Variants in SYNJ1 observed in about 807,000 individuals in gnomAD.
SYNJ1 encodes the protein polyphosphatidylinositol phosphatase SYNJ1.
Under a neutral mutation model 168.2 loss-of-function variants are expected in SYNJ1, and 78 were observed. The ratio of observed to expected loss-of-function variants is 0.46; its 90% CI spans 0.39 to 0.56. The LOEUF is 0.56. Ranked by LOEUF, SYNJ1 falls within the 20% of genes least tolerant of loss-of-function variation. The pLI is 0.00. For synonymous variants in SYNJ1, 539 were observed against 548.6 expected, an observed-to-expected ratio of 0.98 and a Z score of 0.24; for missense variants, 1,303 against 1,597.6, an observed-to-expected ratio of 0.82 and a Z score of 3.14.
intron 11 of SYNJ1, 76 bp downstream of exon 11, chr21:32,681,420 T>A: frequency 6.8e-7 from 1 of 1,468,718 alleles, no homozygotes; most frequent in Non-Finnish European, 9.1e-7. Context: ...TATTAACTTT[T>A]AAAAGGCCAT....
rs767488191 is a variant in SYNJ1, at chr21:32,657,874, TA to T, written c.2305-3del. The stretch of plus-strand genomic sequence containing the variant: ...TCCTTCTAAAAATCCTCTAAAAACC[TA>T]AAATAAACATATACAAAGTAAGTTA... On this transcript the variant is annotated splice_region_variant and splice_polypyrimidine_tract_variant and intron_variant, in intron 18 of 32. Transcript: ENST00000674351. The T allele has an allele frequency of 1.9e-6, 3 of 1,606,720 alleles. No homozygotes were observed. The highest frequency in any genetic ancestry group is 2.5e-6 in the Non-Finnish European group (3 of 1,176,838).
Position 32,629,617 on chromosome 21 carries a change from G to A in SYNJ1, c.*2188C>T, listed in dbSNP as rs1299231272. 1.3e-5 allele frequency: 2 copies of A among 152,534 alleles called. No homozygotes were observed. The highest frequency in any genetic ancestry group is 4.8e-5 in the African/African-American group (2 of 41,430). 9.4% of individuals were successfully genotyped at this position (152,534 alleles called of 1,614,324 possible). A position where few individuals can be genotyped will look rare whatever the true frequency, so the allele number is the denominator to read the frequency against. The stretch of plus-strand genomic sequence containing the variant: ...GGTTAAGTGTGGACATAGGAATTTA[G>A]GTGGACATATACAACTCTTTATATA... On this transcript the variant is annotated 3_prime_UTR_variant, in exon 33 of 33. Transcript: ENST00000674351.
Position 32,656,680 on chromosome 21 carries a change from A to T in SYNJ1, c.2795+7T>A. On this transcript the variant is annotated splice_region_variant and intron_variant, in intron 21 of 32. Coordinates refer to ENST00000674351, the MANE Select transcript of SYNJ1 (RefSeq NM_203446.3). Reference sequence around the variant, plus strand: ...CACAAGCTACTTTTGCATAATAAACATCTTACCTTATAAGTATAACTTCAC... The same window carrying T: ...CACAAGCTACTTTTGCATAATAAACTTCTTACCTTATAAGTATAACTTCAC... 1 of 1,608,118 alleles carries T rather than the reference A, an allele frequency of 6.2e-7. No homozygotes were observed. Among genetic ancestry groups the T allele is most frequent in the Non-Finnish European group, 8.5e-7 (1 of 1,176,546 alleles).
upstream of SYNJ1, chr21:32,728,123 C>T (rs558192601): frequency 2.6e-3 from 3,734 of 1,435,326 alleles, 7 homozygotes; most frequent in Admixed American, 3.5e-3. Flanking sequence ...CCACTCTGCG[C>T]CGACCGGCTG....
rs1414978656 is a variant in SYNJ1 at position 32,638,908 on chromosome 21, T to C, written c.3915A>G (p.Gln1305=). The change falls in exon 31 of 33, where the codon CAA becomes CAG. Residue 1305 remains glutamine (Q), a splice_region_variant and synonymous_variant. Transcript: ENST00000674351. ...SLPSEASSQP[Q]QEQPSG is the part of the protein sequence containing the mutation. ...ATTTTGTGTAACAAATGAGACTTAC[T>C]TGCGGTTGTGAGGAAGCTTCTGAAG... The C allele has an allele frequency of 6.3e-7, 1 of 1,595,892 alleles. No individual in the cohort carries two copies. Among genetic ancestry groups the C allele is most frequent in the Non-Finnish European group, 8.6e-7 (1 of 1,168,546 alleles).
chr21:32,646,557 T>C lies in SYNJ1; in HGVS notation c.3083A>G (p.Gln1028Arg). ...YSAEVEELLP[Q>R]HLQPSSSSGL... ...GGAACTTGAAGATGGCTGGAGATGCTGAGGAAGAAGTTCCTCCACTTCAGC... is the reference window on the plus strand; with the variant it reads ...GGAACTTGAAGATGGCTGGAGATGCCGAGGAAGAAGTTCCTCCACTTCAGC... Residue 1028 changes from glutamine (Q) to arginine (R), a missense_variant, in exon 24 of 33, where the codon CAG (glutamine) becomes CGG (arginine). Coordinates refer to ENST00000674351, the MANE Select transcript of SYNJ1 (RefSeq NM_203446.3). 1 of 1,614,162 alleles carries C rather than the reference T, an allele frequency of 6.2e-7. No individual in the cohort carries two copies.
At position 32,660,910 on chromosome 21, in the gene SYNJ1, C is replaced by T. The variant is rs911990930; in HGVS notation, c.2305-3038G>A. Among the ~76,000 whole-genome samples the T allele has an allele frequency of 3.3e-5, 5 of 152,176 alleles. No individual in the cohort carries two copies. In the East Asian group the frequency reaches 5.8e-4, roughly 18 times the overall value. Reference sequence around the variant, plus strand: ...AGTCATGCACTGCAGGGGACACCAGCGAGCCTCCACCTCAGTGGCCTTAGG... The same window carrying T: ...AGTCATGCACTGCAGGGGACACCAGTGAGCCTCCACCTCAGTGGCCTTAGG... On this transcript the variant is annotated intron_variant, in intron 18 of 32. Transcript: ENST00000674351.
intron 9 of SYNJ1, 58 bp downstream of exon 9, chr21:32,685,690 A>G: frequency 2.3e-6 from 3 of 1,314,384 alleles, no homozygotes; most frequent in Non-Finnish European, 3.0e-6. Flanking sequence ...GTTCAACGTT[A>G]AGAATAATTT....
chr21:32,646,464 C>T lies in SYNJ1; in HGVS notation c.3176G>A (p.Gly1059Asp). The change falls in exon 24 of 33, where the codon GGT becomes GAT. Residue 1059 changes from glycine to aspartate, a missense_variant. Transcript: ENST00000674351. The stretch of plus-strand genomic sequence containing the variant: ...TCTGATGGGAAGGGAAGGTACAGGA[C>T]CCTCTGATATTGTAGGTGACTGGCA... ...SPCQSPTISEGPVPSLPIRPS... is the reference protein window; with the variant it reads ...SPCQSPTISEDPVPSLPIRPS... The T allele has an allele frequency of 6.2e-7, 1 of 1,614,104 alleles. No homozygotes were observed. Among genetic ancestry groups the T allele is most frequent in the Non-Finnish European group, 8.5e-7 (1 of 1,180,028 alleles).
rs773242399 is a variant in SYNJ1 at position 32,645,678 on chromosome 21, G to T, written c.3359C>A (p.Pro1120Gln). Residue 1120 changes from proline (P) to glutamine (Q), a missense_variant, in exon 25 of 33, where the codon CCG (proline) becomes CAG (glutamine). By Grantham distance (76) the Pro-to-Gln change is moderately conservative (BLOSUM62 -1). Transcript: ENST00000674351. Reference protein sequence around the residue: ...PPRPVAPPTRPAPPQRPPPPS... With the variant: ...PPRPVAPPTRQAPPQRPPPPS... ...CGGAGGAGGTCTCTGTGGGGGAGCC[G>T]GGCGTGTGGGAGGGGCGACCGGGCG... 1 of 1,514,968 alleles carries T rather than the reference G, an allele frequency of 6.6e-7. No homozygotes were observed. Among genetic ancestry groups the T allele is most frequent in the Non-Finnish European group, 8.8e-7 (1 of 1,136,890 alleles). 93.8% of individuals were successfully genotyped at this position (1,514,968 alleles called of 1,614,324 possible).
chr21:32,708,775 A>C (rs1461048914), intron 2 of SYNJ1, among the ~76,000 whole-genome samples: 2 of 140,694 alleles, frequency 1.4e-5, no homozygotes, highest in Admixed American at 7.0e-5. Context: ...TTTTTTTTTC[A>C]TTTGATACCA....
At chr21:32,668,224 T>C (rs1029009333) in intron 15 of SYNJ1, among the ~76,000 whole-genome samples, 1 of 151,906 alleles carries the variant, frequency 6.6e-6, no homozygotes, top group Non-Finnish European at 1.5e-5. Flanking sequence ...GGGCACCACG[T>C]CCAGCTGATT....
intron 14 of SYNJ1, chr21:32,670,894 T>G (rs1287062969): frequency 1.2e-6 from 1 of 814,806 alleles, no homozygotes; most frequent in Non-Finnish European, 1.5e-6. Flanking sequence ...CACATCACTC[T>G]GTCTAGCTGC....
In SYNJ1 at chr21:32,630,916, C is replaced by CAA; in HGVS notation, c.*888_*889insTT. 7.4e-7 allele frequency: 1 copy of CAA among 1,356,000 alleles called. No homozygotes were observed. Among genetic ancestry groups the CAA allele is most frequent in the Non-Finnish European group, 1.0e-6 (1 of 994,988 alleles). 84.0% of individuals were successfully genotyped at this position (1,356,000 alleles called of 1,614,324 possible). A position where few individuals can be genotyped will look rare whatever the true frequency, so the allele number is the denominator to read the frequency against. On this transcript the variant is annotated 3_prime_UTR_variant, in exon 33 of 33. Transcript: ENST00000674351. ...AGTGCACTTACAATGACTTATTGCA[C>CAA]ATAATGAAATACTAATGCCCAATTC...
chr21:32,706,073 C>G (rs2042596990), intron 2 of SYNJ1, among the ~76,000 whole-genome samples: 1 of 152,184 alleles, frequency 6.6e-6, no homozygotes, highest in Non-Finnish European at 1.5e-5. Flanking sequence ...ATGAAAAAAG[C>G]ACCATTGCTG....
intron 6 of SYNJ1, 119 bp downstream of exon 6, chr21:32,694,109 C>T (rs960574653): frequency 9.1e-6 from 6 of 656,862 alleles, no homozygotes; most frequent in Non-Finnish European, 1.4e-5. Context: ...GCAAATCCAG[C>T]TAACATTATT....
At position 32,646,446 on chromosome 21, in the gene SYNJ1, G is replaced by A. The variant is rs376161689; in HGVS notation, c.3194C>T (p.Pro1065Leu). The A allele has an allele frequency of 1.2e-6, 2 of 1,614,064 alleles. No homozygotes were observed. Among genetic ancestry groups the A allele is most frequent in the Admixed American group, 1.7e-5 (1 of 60,014 alleles). The change falls in exon 24 of 33, where the codon CCC becomes CTC. Residue 1065 changes from proline (P) to leucine (L), a missense_variant. By Grantham distance (98) the Pro-to-Leu change is moderately conservative (BLOSUM62 -3). Transcript: ENST00000674351. ...TISEGPVPSL[P>L]IRPSRAPSRT... Reference sequence around the variant, plus strand: ...TGACGGTGCTCGGCTTGGTCTGATGGGAAGGGAAGGTACAGGACCCTCTGA... The same window carrying A: ...TGACGGTGCTCGGCTTGGTCTGATGAGAAGGGAAGGTACAGGACCCTCTGA...
chr21:32,672,059 C>CAAAAAAAAAAAAAA (rs1160074724), intron 14 of SYNJ1, among the ~76,000 whole-genome samples: 17 of 24,654 alleles, frequency 6.9e-4, no homozygotes, highest in Non-Finnish European at 1.0e-3. Context: ...AACTCAATCT[C>CAAAAAAAAAAAAAA]AAAAAAAAAA....
rs1355174171 is a variant in SYNJ1, at chr21:32,685,928, A to G, written c.949-11T>C. 9 of 1,602,166 alleles carry G rather than the reference A, an allele frequency of 5.6e-6. No homozygotes were observed. The highest frequency in any genetic ancestry group is 6.8e-6 in the Non-Finnish European group (8 of 1,176,432). ...AGCTTTCAAATGACTCTGAAAGTAA[A>G]AAGGCAAATATTCATCTAAATGAAA... On this transcript the variant is annotated splice_polypyrimidine_tract_variant and intron_variant, in intron 8 of 32. Transcript: ENST00000674351.
Sources: gnomAD v4.1 joint callset for allele counts (sites outside exome capture counted in the v4.1 genomes callset) on GRCh38, gnomAD v4.1.1 for gene constraint, MANE v1.5 for transcripts, NCBI Gene and HGNC (gene_info 2026-07-23, HGNC 2026-07-21) for gene names.